Variants in GIMAP6 observed in about 807,000 individuals in gnomAD.
The protein encoded by GIMAP6 is GTPase IMAP family member 6.
In GIMAP6, 6 loss-of-function variants were observed where a neutral mutation model predicts 9.3. The ratio of observed to expected loss-of-function variants is 0.65; its 90% CI spans 0.35 to 1.27. GIMAP6 has a LOEUF of 1.27. Among genes scored for constraint, GIMAP6 ranks in the 50% most tolerant of loss-of-function variants. The pLI is 0.03. For missense variants in GIMAP6, 333 were observed against 359.5 expected, an observed-to-expected ratio of 0.93 and a Z score of 0.60; for synonymous variants, 156 against 151.1, an observed-to-expected ratio of 1.03 and a Z score of -0.24.
chr7:150,629,474 T>G (rs13226190), intron 2 of GIMAP6, among the ~76,000 whole-genome samples: 27,837 of 152,136 alleles, frequency 0.18, 2,990 homozygotes, highest in Admixed American at 0.25. Context: ...GTTTCCAGCA[T>G]TTGTAAATCC....
chr7:150,630,220 G>T (rs570971508), intron 1 of GIMAP6, 78 bp from the exon 2 acceptor site: 1 of 1,203,924 alleles, frequency 8.3e-7, no homozygotes, highest in Non-Finnish European at 1.2e-6. Flanking sequence ...CCTGCCTTTC[G>T]CCTTTCTCTT....
At chr7:150,631,234 C>G (rs1007455059) in intron 1 of GIMAP6, among the ~76,000 whole-genome samples, 23 of 152,150 alleles carry the variant, frequency 1.5e-4, no homozygotes, top group Non-Finnish European at 1.3e-4. Context: ...TCCCCAGATC[C>G]CAGAAGTATA....
Position 150,628,223 on chromosome 7 carries a change from G to A in GIMAP6, c.375C>T (p.Ala125=), listed in dbSNP as rs749594773. The A allele has an allele frequency of 1.7e-5, 27 of 1,614,064 alleles. No homozygotes were observed. Among genetic ancestry groups the A allele is most frequent in the Middle Eastern group, 1.6e-4 (1 of 6,084 alleles). ...AIVLSAPGPH[A]VLLVTQLGRF... Reference sequence around the variant, plus strand: ...GGCCCAGTTGTGTCACCAGGAGCACGGCGTGGGGCCCTGGGGCGGATAAGA... The same window carrying A: ...GGCCCAGTTGTGTCACCAGGAGCACAGCGTGGGGCCCTGGGGCGGATAAGA... Residue 125 remains alanine (A), a synonymous_variant, in exon 3 of 3, where the codon GCC becomes GCT. Transcript: ENST00000328902.
chr7:150,631,526 A>T (rs898332469), intron 1 of GIMAP6, among the ~76,000 whole-genome samples: 6 of 152,130 alleles, frequency 3.9e-5, no homozygotes, highest in Non-Finnish European at 7.4e-5. Flanking sequence ...ATGTAATCTC[A>T]TTCCTCCTTT....
chr7:150,627,665 G>A lies in GIMAP6; in HGVS notation c.*54C>T, dbSNP rs1402469062. ...GGATGGAAAGAGAAACAGAGGGCTG[G>A]ACACAGGGGGGTGCAAAGGCTGATG... is the stretch of plus-strand genomic sequence containing the variant. On this transcript the variant is annotated 3_prime_UTR_variant, in exon 3 of 3. Transcript: ENST00000328902. The A allele has an allele frequency of 1.2e-6, 2 of 1,606,378 alleles. No individual in the cohort carries two copies. Among genetic ancestry groups the A allele is most frequent in the Non-Finnish European group, 1.7e-6 (2 of 1,173,744 alleles).
chr7:150,631,761 A>G (rs768235089), intron 1 of GIMAP6, among the ~76,000 whole-genome samples: 4 of 152,226 alleles, frequency 2.6e-5, no homozygotes, highest in Non-Finnish European at 5.9e-5. Context: ...CATCCTTGTC[A>G]TATTGCTCTG....
At chr7:150,631,307 G>T (rs1263470359) in intron 1 of GIMAP6, among the ~76,000 whole-genome samples, 1 of 152,176 alleles carries the variant, frequency 6.6e-6, no homozygotes, top group African/African-American at 2.4e-5. Context: ...GGGCATGGAG[G>T]GAGTCCAGGA....
chr7:150,628,140 C>T lies in GIMAP6; in HGVS notation c.458G>A (p.Gly153Glu). Reference sequence around the variant, plus strand: ...CACCAGGATGGTGTGACCCAGAACCCCCACTCCAAAGACCTCCTGCAGGCG... The same window carrying T: ...CACCAGGATGGTGTGACCCAGAACCTCCACTCCAAAGACCTCCTGCAGGCG... ...VRRLQEVFGV[G>E]VLGHTILVFT... Residue 153 changes from glycine (G) to glutamate (E), a missense_variant, in exon 3 of 3, where the codon GGG becomes GAG. Transcript: ENST00000328902. 10 of 1,614,238 alleles carry T rather than the reference C, an allele frequency of 6.2e-6. No individual in the cohort carries two copies. Among genetic ancestry groups the T allele is most frequent in the Non-Finnish European group, 8.5e-6 (10 of 1,180,036 alleles).
chr7:150,630,109 C>T lies in GIMAP6; in HGVS notation c.34G>A (p.Glu12Lys). 2 of 1,568,382 alleles carry T rather than the reference C, an allele frequency of 1.3e-6. No individual in the cohort carries two copies. Among genetic ancestry groups the T allele is most frequent in the Non-Finnish European group, 1.7e-6 (2 of 1,164,050 alleles). ...TGGGACAGCTCTTCTGGGGGATTCT[C>T]CTGGGGAATTTGTTCATATTCTTCT... ...EEEEYEQIPQ[E>K]NPPEELSQDP... Residue 12 changes from glutamate to lysine, a missense_variant, in exon 2 of 3, where the codon GAG (glutamate) becomes AAG (lysine). Coordinates refer to ENST00000328902, the MANE Select transcript of GIMAP6 (RefSeq NM_024711.6).
At chr7:150,630,000 G>C in intron 2 of GIMAP6, 58 bp downstream of exon 2, 1 of 1,123,844 alleles carries the variant, frequency 8.9e-7, no homozygotes, top group Non-Finnish European at 1.3e-6. Flanking sequence ...TGGTGGAGCT[G>C]TGTCCCACCT....
chr7:150,631,605 C>T (rs1479415369), intron 1 of GIMAP6, among the ~76,000 whole-genome samples: 1 of 152,196 alleles, frequency 6.6e-6, no homozygotes, highest in South Asian at 2.1e-4. Flanking sequence ...CATGCAGGAA[C>T]CTGCACTGTG....
rs777100808 is a variant in GIMAP6 at position 150,626,492 on chromosome 7, G to A, written c.*1227C>T. ...CTTGCTGGCAGGCAGCTTCCTATCC[G>A]AGGCCTGAGACAGGATGACATCCTA... On this transcript the variant is annotated 3_prime_UTR_variant, in exon 3 of 3. Transcript: ENST00000328902. 1 of 152,218 alleles carries A rather than the reference G, an allele frequency of 6.6e-6. No individual in the cohort carries two copies. The highest frequency in any genetic ancestry group is 6.5e-5 in the Admixed American group (1 of 15,282). The allele number at this position is 152,218 out of a possible 1,614,324, so 9.4% of individuals were successfully genotyped here. A position where few individuals can be genotyped will look rare whatever the true frequency, so the allele number is the denominator to read the frequency against.
intron 2 of GIMAP6, among the ~76,000 whole-genome samples, chr7:150,629,557 G>A (rs73727366): frequency 6.6e-6 from 1 of 152,156 alleles, no homozygotes. Context: ...TGGCTTTTGG[G>A]AAAGGGACGC....
chr7:150,628,875 T>C, intron 2 of GIMAP6: 6 of 635,442 alleles, frequency 9.4e-6, no homozygotes, highest in Non-Finnish European at 1.5e-5. Flanking sequence ...TGACAAGTAA[T>C]AGCTGGTTTC....
intron 2 of GIMAP6, chr7:150,628,728 A>G (rs2116782908): frequency 6.8e-7 from 1 of 1,474,968 alleles, no homozygotes; most frequent in East Asian, 2.5e-5. Flanking sequence ...AGAGCCTAGA[A>G]AGAAGAGCGA....
chr7:150,627,711 G>A lies in GIMAP6; in HGVS notation c.*8C>T. 6.2e-7 allele frequency: 1 copy of A among 1,612,536 alleles called. No homozygotes were observed. The highest frequency in any genetic ancestry group is 1.3e-5 in the African/African-American group (1 of 75,004). On this transcript the variant is annotated 3_prime_UTR_variant, in exon 3 of 3. Transcript: ENST00000328902. Reference sequence around the variant, plus strand: ...TGATGGTGTCCTTGGCTCAAGTCCAGCACAGGCTCAAAGGTCAGCCTTCCC... The same window carrying A: ...TGATGGTGTCCTTGGCTCAAGTCCAACACAGGCTCAAAGGTCAGCCTTCCC...
At position 150,628,317 on chromosome 7, in the gene GIMAP6, A is replaced by T. The variant is rs1256691463; in HGVS notation, c.281T>A (p.Ile94Asn). 6.2e-7 allele frequency: 1 copy of T among 1,614,118 alleles called. No individual in the cohort carries two copies. Among genetic ancestry groups the T allele is most frequent in the Admixed American group, 1.7e-5 (1 of 60,028 alleles). The change falls in exon 3 of 3, where the codon ATT becomes AAT. Residue 94 changes from isoleucine to asparagine, a missense_variant. By Grantham distance (149) the Ile-to-Asn change is moderately radical (BLOSUM62 -3). Transcript: ENST00000328902. The part of the protein sequence containing the change: ...REWAGKELEV[I>N]DTPNILSPQV... ...GGGGGACAGAATGTTGGGTGTGTCA[A>T]TCACCTCAAGCTCCTTCCCAGCCCA...
At position 150,627,688 on chromosome 7, in the gene GIMAP6, A is replaced by T; in HGVS notation, c.*31T>A. On this transcript the variant is annotated 3_prime_UTR_variant, in exon 3 of 3. Coordinates refer to ENST00000328902, the MANE Select transcript of GIMAP6 (RefSeq NM_024711.6). Reference sequence around the variant, plus strand: ...TGGACACAGGGGGGTGCAAAGGCTGATGGTGTCCTTGGCTCAAGTCCAGCA... The same window carrying T: ...TGGACACAGGGGGGTGCAAAGGCTGTTGGTGTCCTTGGCTCAAGTCCAGCA... The T allele has an allele frequency of 6.2e-7, 1 of 1,612,268 alleles. No homozygotes were observed. Among genetic ancestry groups the T allele is most frequent in the Non-Finnish European group, 8.5e-7 (1 of 1,179,028 alleles).
At chr7:150,630,255 GT>G in intron 1 of GIMAP6, 113 bp from the exon 2 acceptor site, 1 of 755,714 alleles carries the variant, frequency 1.3e-6, no homozygotes, top group Non-Finnish European at 2.1e-6. Context: ...TTTTGCATTA[GT>G]TTAGGGTTGG....
Sources: allele counts gnomAD v4.1 joint callset (sites outside exome capture counted in the v4.1 genomes callset), GRCh38; gene constraint gnomAD v4.1.1; transcripts MANE v1.5; gene names NCBI Gene and HGNC (gene_info 2026-07-23, HGNC 2026-07-21).